The following CFLAR variants were observed in gnomAD, a reference collection of about 807,000 sequenced individuals.
CFLAR encodes CASP8 and FADD-like apoptosis regulator.
CFLAR carries 14 observed loss-of-function variants against 51.1 expected under a neutral mutation model. The ratio of observed to expected loss-of-function variants is 0.27; its 90% CI spans 0.18 to 0.43. The LOEUF (loss-of-function observed/expected upper bound fraction) is 0.43, where lower values mean the gene tolerates loss of function less well. Among genes scored for constraint, CFLAR ranks in the 20% least tolerant of loss-of-function variants. The pLI is 1.00. For synonymous variants in CFLAR, 210 were observed against 211.6 expected, an observed-to-expected ratio of 0.99 and a Z score of 0.06; for missense variants, 390 against 566.5, an observed-to-expected ratio of 0.69 and a Z score of 3.16.
intron 9 of CFLAR, 155 bp from the exon 10 acceptor site, chr2:201,163,680 A>G: frequency 7.0e-7 from 1 of 1,435,336 alleles, no homozygotes; most frequent in Non-Finnish European, 9.1e-7. Context: ...AGAGTATTGC[A>G]AGTTAGTTTG....
intron 4 of CFLAR, chr2:201,136,329 T>A: frequency 6.3e-7 from 1 of 1,598,630 alleles, no homozygotes; most frequent in Non-Finnish European, 8.5e-7. Flanking sequence ...TGCAAAATGC[T>A]GCCAAGCAGT....
chr2:201,162,498 T>C (rs1055020104), intron 9 of CFLAR: 11 of 168,726 alleles, frequency 6.5e-5, no homozygotes, highest in Admixed American at 6.1e-4. Flanking sequence ...TTCAGCTCCT[T>C]TACTGCCAAA....
rs998019041 is a variant in CFLAR, at chr2:201,116,686, G to T, written c.-138+205G>T. Reference sequence around the variant, plus strand: ...CCAGGGGATGGCGGGGGCGCTTCTGGAACCTGACTCAGTTTTGTAGGTTCC... The same window carrying T: ...CCAGGGGATGGCGGGGGCGCTTCTGTAACCTGACTCAGTTTTGTAGGTTCC... On this transcript the variant is annotated intron_variant, in intron 1 of 9. Coordinates refer to ENST00000309955, the MANE Select transcript of CFLAR (RefSeq NM_003879.7). This position sits in a 1 kb window ranked among gnomAD's most constrained non-coding sequence, Gnocchi z 4.8. Among the ~76,000 whole-genome samples, 2 of 152,242 alleles carry T rather than the reference G, an allele frequency of 1.3e-5. No individual in the cohort carries two copies. The highest frequency in any genetic ancestry group is 2.9e-5 in the Non-Finnish European group (2 of 68,040).
chr2:201,129,886 T>C lies in CFLAR; in HGVS notation c.21T>C (p.His7=), dbSNP rs777440542. The change falls in exon 2 of 10, where the codon CAT becomes CAC. Residue 7 remains histidine (H), a synonymous_variant. Transcript: ENST00000309955. The part of the protein sequence containing the change: MSAEVI[H]QVEEALDTDE... ...GTAGGATGTCTGCTGAAGTCATCCA[T>C]CAGGTTGAAGAAGCACTTGATACAG... 49 of 1,614,052 alleles carry C rather than the reference T, an allele frequency of 3.0e-5. No homozygotes were observed. The East Asian group carries it at 1.1e-3, about 36-fold the overall frequency.
At chr2:201,162,514 G>A in intron 9 of CFLAR, 2 of 179,732 alleles carry the variant, frequency 1.1e-5, no homozygotes, top group Middle Eastern at 2.6e-3. Flanking sequence ...CCAAAGCAGG[G>A]GACAAGGACT....
At chr2:201,133,776 A>T (rs1235427038) in intron 3 of CFLAR, among the ~76,000 whole-genome samples, 1 of 151,682 alleles carries the variant, frequency 6.6e-6, no homozygotes, top group Non-Finnish European at 1.5e-5. Context: ...TAAAAATACA[A>T]AAAAAGTAGC....
At position 201,166,230 on chromosome 2, in the gene CFLAR, C is replaced by T. The variant is rs1229711644; in HGVS notation, c.*2257C>T. On this transcript the variant is annotated 3_prime_UTR_variant, in exon 10 of 10. Coordinates refer to ENST00000309955, the MANE Select transcript of CFLAR (RefSeq NM_003879.7). ...GCGGGGGCTGACCCCCCACCTCCCT[C>T]CCCGACGGGGCGGCTGGCCGGGCGG... is the stretch of plus-strand genomic sequence containing the variant. The T allele has an allele frequency of 6.4e-6, 1 of 157,274 alleles. No individual in the cohort carries two copies. Among genetic ancestry groups the T allele is most frequent in the African/African-American group, 2.4e-5 (1 of 41,066 alleles). The allele number at this position is 157,274 out of a possible 1,614,324, so 9.7% of individuals were successfully genotyped here. A position where few individuals can be genotyped will look rare whatever the true frequency, so the allele number is the denominator to read the frequency against.
At chr2:201,134,257 G>A (rs1200398257) in intron 3 of CFLAR, among the ~76,000 whole-genome samples, 3 of 151,260 alleles carry the variant, frequency 2.0e-5, no homozygotes, top group Non-Finnish European at 4.4e-5. Context: ...GCAGTGAGTC[G>A]AGATTGCACC....
rs753783489 is a variant in CFLAR, at chr2:201,164,605, T to A, written c.*632T>A. ...CTGGCAGTGCTGGCAGCTGATTAGA[T>A]GGTGCCCACCCAGATTGAGGATGGT... On this transcript the variant is annotated 3_prime_UTR_variant, in exon 10 of 10. Coordinates refer to ENST00000309955, the MANE Select transcript of CFLAR (RefSeq NM_003879.7). The A allele has an allele frequency of 6.6e-6, 1 of 152,252 alleles. No homozygotes were observed. Among genetic ancestry groups the A allele is most frequent in the Non-Finnish European group, 1.5e-5 (1 of 68,060 alleles). The allele number at this position is 152,252 out of a possible 1,614,324, so 9.4% of individuals were successfully genotyped here.
At chr2:201,141,541 C>T in intron 5 of CFLAR, 1 of 1,317,274 alleles carries the variant, frequency 7.6e-7, no homozygotes, top group South Asian at 2.2e-5. Context: ...TGTTTAGATG[C>T]TTTCCAATCT....
Position 201,138,096 on chromosome 2 carries a change from T to A in CFLAR, c.523+1989T>A. 2 of 748,816 alleles carry A rather than the reference T, an allele frequency of 2.7e-6. No individual in the cohort carries two copies. Among genetic ancestry groups the A allele is most frequent in the South Asian group, 1.4e-5 (1 of 71,746 alleles). The allele number at this position is 748,816 out of a possible 1,614,324, so 46.4% of individuals were successfully genotyped here. On this transcript the variant is annotated intron_variant, in intron 4 of 9. Coordinates refer to ENST00000309955, the MANE Select transcript of CFLAR (RefSeq NM_003879.7). The surrounding 1 kb of genome is among the most constrained non-coding windows in gnomAD (Gnocchi z 4.0). ...GATGGAGCCGCGCAGTCCATGCCCC[T>A]GCCCAGCCCATCCACACCAGCGTCA...
chr2:201,160,659 A>C lies in CFLAR; in HGVS notation c.1021A>C (p.Met341Leu), dbSNP rs781326383. ...CCTGCATCACATCAGGAGGATGTTCATGGGAGATTCATGCCCTTATCTAGC... is the reference window on the plus strand; with the variant it reads ...CCTGCATCACATCAGGAGGATGTTCCTGGGAGATTCATGCCCTTATCTAGC... Reference protein sequence around the residue: ...LPLHHIRRMFMGDSCPYLAGK... With the variant: ...LPLHHIRRMFLGDSCPYLAGK... The change falls in exon 9 of 10, where the codon ATG (methionine) becomes CTG (leucine). Residue 341 changes from methionine to leucine, a missense_variant. Physicochemically the swap from Met to Leu is conservative, Grantham distance 15 (BLOSUM62 2). Coordinates refer to ENST00000309955, the MANE Select transcript of CFLAR (RefSeq NM_003879.7). The C allele has an allele frequency of 6.2e-7, 1 of 1,614,110 alleles. No individual in the cohort carries two copies. Among genetic ancestry groups the C allele is most frequent in the Non-Finnish European group, 8.5e-7 (1 of 1,180,002 alleles).
At chr2:201,123,169 T>C (rs1021017858) in intron 1 of CFLAR, among the ~76,000 whole-genome samples, 3 of 152,210 alleles carry the variant, frequency 2.0e-5, no homozygotes, top group South Asian at 2.1e-4. Flanking sequence ...TTTAGATGCT[T>C]TCTCATTTCT....
chr2:201,141,273 A>G lies in CFLAR; in HGVS notation c.606+834A>G, dbSNP rs969280906. On this transcript the variant is annotated intron_variant, in intron 5 of 9. Coordinates refer to ENST00000309955, the MANE Select transcript of CFLAR (RefSeq NM_003879.7). ...CCTACCCCTATAATACTGACCTCCA[A>G]TTATTTTTCCTAAAGGCAGCTGTTG... 6 of 1,439,536 alleles carry G rather than the reference A, an allele frequency of 4.2e-6. No homozygotes were observed. In the African/African-American group the frequency reaches 7.2e-5, roughly 17 times the overall value. 89.2% of individuals were successfully genotyped at this position (1,439,536 alleles called of 1,614,324 possible). A position where few individuals can be genotyped will look rare whatever the true frequency, so the allele number is the denominator to read the frequency against.
At chr2:201,142,262 G>T (rs1939090086) in intron 5 of CFLAR, among the ~76,000 whole-genome samples, 1 of 149,320 alleles carries the variant, frequency 6.7e-6, no homozygotes, top group Non-Finnish European at 1.5e-5. Context: ...GTGACAGAGT[G>T]AGACCTTGTC....
Position 201,167,226 on chromosome 2 carries a change from T to C in CFLAR, c.*3253T>C, listed in dbSNP as rs1202556728. The stretch of plus-strand genomic sequence containing the variant: ...ATTCCTACTTTCCAAGTTATTTTGA[T>C]GCCATGGTGGCTCATACCTATAATC... On this transcript the variant is annotated 3_prime_UTR_variant, in exon 10 of 10. Coordinates refer to ENST00000309955, the MANE Select transcript of CFLAR (RefSeq NM_003879.7). 6.6e-6 allele frequency: 1 copy of C among 152,138 alleles called. No homozygotes were observed. The highest frequency in any genetic ancestry group is 2.4e-5 in the African/African-American group (1 of 41,412). The allele number at this position is 152,138 out of a possible 1,614,324, so 9.4% of individuals were successfully genotyped here.
chr2:201,123,328 C>T (rs1280255333), intron 1 of CFLAR, among the ~76,000 whole-genome samples: 1 of 152,096 alleles, frequency 6.6e-6, no homozygotes, highest in Non-Finnish European at 1.5e-5. Context: ...TAACAAAATA[C>T]CCACAACCAG....
chr2:201,137,361 G>C, intron 4 of CFLAR: 1 of 354,468 alleles, frequency 2.8e-6, no homozygotes, highest in Non-Finnish European at 5.5e-6. Flanking sequence ...AAGGGGGGCT[G>C]CAGACCCCTC....
At chr2:201,144,145 A>G (rs1179509231) in intron 5 of CFLAR, 2 of 152,214 alleles carry the variant, frequency 1.3e-5, no homozygotes, top group Non-Finnish European at 2.9e-5. Context: ...CATGTTTTTA[A>G]TTTAGACACA....
Sources: gnomAD v4.1 joint callset for allele counts (sites outside exome capture counted in the v4.1 genomes callset) on GRCh38, gnomAD v4.1.1 for gene constraint, Gnocchi (gnomAD v3.1) non-coding constraint, MANE v1.5 for transcripts, NCBI Gene and HGNC (gene_info 2026-07-23, HGNC 2026-07-21) for gene names.